Variants in SPAG9 observed in about 807,000 individuals in gnomAD.
SPAG9 encodes C-Jun-amino-terminal kinase-interacting protein 4.
SPAG9 carries 35 observed loss-of-function variants against 166.5 expected under a neutral mutation model. The observed-to-expected ratio is 0.21, with a 90% CI of 0.16 to 0.28. The LOEUF (loss-of-function observed/expected upper bound fraction) is 0.28. Ranked by LOEUF, SPAG9 falls within the 10% of genes least tolerant of loss-of-function variation. SPAG9 has a pLI of 1.00. For missense variants in SPAG9, 1,235 were observed against 1,603.3 expected, an observed-to-expected ratio of 0.77 and a Z score of 3.92; for synonymous variants, 534 against 565.5, an observed-to-expected ratio of 0.94 and a Z score of 0.79.
intron 24 of SPAG9, among the ~76,000 whole-genome samples, chr17:50,982,937 T>A (rs575265675): frequency 1.3e-5 from 2 of 152,354 alleles, no homozygotes; most frequent in South Asian, 4.1e-4. Flanking sequence ...AGTGATGTGA[T>A]GATAAATCAG....
At chr17:51,012,443 G>A (rs1440545212) in intron 9 of SPAG9, among the ~76,000 whole-genome samples, 4 of 151,570 alleles carry the variant, frequency 2.6e-5, no homozygotes, top group African/African-American at 7.3e-5. Flanking sequence ...GGTGGTATGC[G>A]CCTTTAGTCC....
At chr17:50,992,154 C>G (rs974601075) in intron 19 of SPAG9, among the ~76,000 whole-genome samples, 8 of 151,710 alleles carry the variant, frequency 5.3e-5, no homozygotes, top group African/African-American at 1.5e-4. Flanking sequence ...TCTGAAAGTG[C>G]TGGGATTATG....
At chr17:51,108,007 A>T (rs2049002974) in intron 1 of SPAG9, among the ~76,000 whole-genome samples, 1 of 151,940 alleles carries the variant, frequency 6.6e-6, no homozygotes, top group South Asian at 2.1e-4. Flanking sequence ...CAGGTAAAAG[A>T]ATTTCTCAGG....
intron 1 of SPAG9, among the ~76,000 whole-genome samples, chr17:51,082,292 T>C (rs912162990): frequency 4.0e-5 from 6 of 149,568 alleles, no homozygotes; most frequent in Non-Finnish European, 5.9e-5. Flanking sequence ...GGAGAATTGC[T>C]TGAACCCAGG....
chr17:51,020,118 T>G (rs1568006356), intron 8 of SPAG9, 41 bp downstream of exon 8: 3 of 1,168,244 alleles, frequency 2.6e-6, no homozygotes, highest in African/African-American at 1.5e-5. Flanking sequence ...GAGTTGGGGG[T>G]GGGGGGCGCA....
chr17:51,000,394 A>C (rs2044881532), intron 13 of SPAG9, among the ~76,000 whole-genome samples: 2 of 152,210 alleles, frequency 1.3e-5, no homozygotes, highest in Admixed American at 1.3e-4. Flanking sequence ...TATTTCCTTT[A>C]ATTTGTTGAC....
intron 6 of SPAG9, among the ~76,000 whole-genome samples, chr17:51,026,380 G>C (rs1327119899): frequency 6.7e-6 from 1 of 150,308 alleles, no homozygotes; most frequent in Non-Finnish European, 1.5e-5. Context: ...AACAGGAAAG[G>C]GACCATGATA....
At position 51,021,306 on chromosome 17, in the gene SPAG9, A is replaced by G; in HGVS notation, c.843T>C (p.Ala281=). Residue 281 remains alanine, a synonymous_variant, in exon 7 of 30, where the codon GCT becomes GCC. Coordinates refer to ENST00000262013, the MANE Select transcript of SPAG9 (RefSeq NM_001130528.3). ...GSKATTPAST[A]NSDVATIPTD... ...TAGGAATTGTTGCCACATCTGAATT[A>G]GCTGTTGATGCTGGAGTGGTAGCTT... 1 of 1,614,126 alleles carries G rather than the reference A, an allele frequency of 6.2e-7. No individual in the cohort carries two copies. The highest frequency in any genetic ancestry group is 8.5e-7 in the Non-Finnish European group (1 of 1,179,970).
Position 51,120,678 on chromosome 17 carries a change from C to A in SPAG9, c.-22G>T. 1 of 1,544,932 alleles carries A rather than the reference C, an allele frequency of 6.5e-7. No individual in the cohort carries two copies. The highest frequency in any genetic ancestry group is 1.2e-5 in the South Asian group (1 of 84,516). On this transcript the variant is annotated 5_prime_UTR_variant, in exon 1 of 30. Transcript: ENST00000262013. The surrounding 1 kb of genome is among the most constrained non-coding windows in gnomAD (Gnocchi z 4.7). ...CCATGGTGGCAAGCGGACGGGCGGG[C>A]GGCCCGGGGCGTCGCCGGCAGAGGG...
intron 9 of SPAG9, 28 bp from the exon 10 acceptor site, chr17:51,007,354 T>A: frequency 8.1e-7 from 1 of 1,242,054 alleles, no homozygotes; most frequent in Non-Finnish European, 1.1e-6. Context: ...ATAAAGACTT[T>A]GAAAATAAAT....
At chr17:51,097,314 C>A (rs950898679) in intron 1 of SPAG9, among the ~76,000 whole-genome samples, 1 of 152,182 alleles carries the variant, frequency 6.6e-6, no homozygotes. Flanking sequence ...TCAACTGAAC[C>A]TGAGGAGGGG....
Position 51,006,100 on chromosome 17 carries a change from T to A in SPAG9, c.1409A>T (p.Glu470Val). Residue 470 changes from glutamate to valine, a missense_variant, in exon 11 of 30, where the codon GAG (glutamate) becomes GTG (valine). Transcript: ENST00000262013. Reference sequence around the variant, plus strand: ...TAAAACTTACTTCCTAAGCTCTTCCTCCAATTCTCTGTTCTTTTCCTCTAG... The same window carrying A: ...TAAAACTTACTTCCTAAGCTCTTCCACCAATTCTCTGTTCTTTTCCTCTAG... ...LKLEEKNRELEEELRKARAEA... is the reference protein window; with the variant it reads ...LKLEEKNRELVEELRKARAEA... 6.2e-7 allele frequency: 1 copy of A among 1,614,166 alleles called. No homozygotes were observed. Among genetic ancestry groups the A allele is most frequent in the Non-Finnish European group, 8.5e-7 (1 of 1,179,998 alleles).
chr17:51,112,392 G>C (rs907490828), intron 1 of SPAG9, among the ~76,000 whole-genome samples: 4 of 142,188 alleles, frequency 2.8e-5, no homozygotes, highest in African/African-American at 1.1e-4. Context: ...AAAAAAAAAG[G>C]CCAGGCGCAG....
At chr17:50,967,168 G>T (rs953657242) in intron 29 of SPAG9, among the ~76,000 whole-genome samples, 1 of 152,158 alleles carries the variant, frequency 6.6e-6, no homozygotes, top group Non-Finnish European at 1.5e-5. Flanking sequence ...CATAATTCTC[G>T]ATACAAGCTT....
intron 29 of SPAG9, 137 bp from the exon 30 acceptor site, chr17:50,966,524 A>G (rs1973375686): frequency 1.6e-6 from 1 of 644,552 alleles, no homozygotes; most frequent in Non-Finnish European, 2.8e-6. Context: ...AGTAAATAGT[A>G]GAAGAAATAC....
chr17:51,055,343 ACT>A (rs961292596), intron 3 of SPAG9, among the ~76,000 whole-genome samples: 7 of 151,182 alleles, frequency 4.6e-5, no homozygotes, highest in Middle Eastern at 6.8e-3. Flanking sequence ...ACAGAGCAAG[ACT>A]CTCTCTCTCA....
At chr17:51,027,327 G>GCAGC (rs1375586516) in intron 6 of SPAG9, among the ~76,000 whole-genome samples, 1 of 151,940 alleles carries the variant, frequency 6.6e-6, no homozygotes, top group African/African-American at 2.4e-5. Context: ...AGCTACCTGG[G>GCAGC]CGGCTGAGGC....
chr17:51,077,093 T>TCTAGCTAGCTATCTAGCTATCTAGCTAG (rs879689153), intron 2 of SPAG9, among the ~76,000 whole-genome samples: 92 of 55,838 alleles, frequency 1.6e-3, no homozygotes, highest in East Asian at 3.5e-3. Flanking sequence ...TAGCTAGCTA[T>TCTAGCTAGCTATCTAGCTATCTAGCTAG]CTATCTAGCT....
At chr17:51,053,664 G>A (rs1275701312) in intron 3 of SPAG9, among the ~76,000 whole-genome samples, 1 of 148,524 alleles carries the variant, frequency 6.7e-6, no homozygotes, top group South Asian at 2.1e-4. Flanking sequence ...CAGCCTGGGT[G>A]ACAGAACGAG....
Sources: allele counts gnomAD v4.1 joint callset (sites outside exome capture counted in the v4.1 genomes callset), GRCh38; gene constraint gnomAD v4.1.1; non-coding constraint Gnocchi (gnomAD v3.1); transcripts MANE v1.5; gene names NCBI Gene and HGNC (gene_info 2026-07-23, HGNC 2026-07-21).